Variants in KIF5A observed in about 807,000 individuals in gnomAD.
KIF5A encodes the protein kinesin heavy chain isoform 5A.
A neutral mutation model predicts 141.3 loss-of-function variants in KIF5A; 35 were observed. The ratio of observed to expected loss-of-function variants is 0.25; its 90% CI spans 0.19 to 0.33. The LOEUF (loss-of-function observed/expected upper bound fraction) is 0.33, where lower values mean the gene tolerates loss of function less well. Ranked by LOEUF, KIF5A falls within the 10% of genes least tolerant of loss-of-function variation. KIF5A has a pLI of 1.00. For missense variants in KIF5A, 861 were observed against 1,314.3 expected, an observed-to-expected ratio of 0.66 and a Z score of 5.33; for synonymous variants, 448 against 500.2, an observed-to-expected ratio of 0.90 and a Z score of 1.39.
Position 57,563,445 on chromosome 12 carries a change from C to G in KIF5A, c.136C>G (p.Pro46Ala), listed in dbSNP as rs1881971668. Residue 46 changes from proline (P) to alanine (A), a missense_variant, in exon 2 of 29, where the codon CCA becomes GCA. Physicochemically the swap from Pro to Ala is conservative, Grantham distance 27 (BLOSUM62 -1). Transcript: ENST00000455537. ...TCTTTTATTTTCATTCCAGGGGAAGCCATATGTTTTTGACCGTGTATTCCC... is the reference window on the plus strand; with the variant it reads ...TCTTTTATTTTCATTCCAGGGGAAGGCATATGTTTTTGACCGTGTATTCCC... ...GDDSVVIGGK[P>A]YVFDRVFPPN... The G allele has an allele frequency of 6.2e-7, 1 of 1,610,414 alleles. No homozygotes were observed. The highest frequency in any genetic ancestry group is 2.2e-5 in the East Asian group (1 of 44,870).
rs1174159670 is a variant in KIF5A at position 57,563,711 on chromosome 12, G to T, written c.291+18G>T. ...CCATGGAGGTGAGGGTTCTGGCTTTGGTGGTTGAGGGGCTAGGAGTGTTAA... is the reference window on the plus strand; with the variant it reads ...CCATGGAGGTGAGGGTTCTGGCTTTTGTGGTTGAGGGGCTAGGAGTGTTAA... On this transcript the variant is annotated intron_variant, in intron 3 of 28. Coordinates refer to ENST00000455537, the MANE Select transcript of KIF5A (RefSeq NM_004984.4). 5.6e-6 allele frequency: 9 copies of T among 1,603,778 alleles called. No individual in the cohort carries two copies. Among genetic ancestry groups the T allele is most frequent in the East Asian group, 2.2e-5 (1 of 44,830 alleles).
At chr12:57,575,354 C>T in intron 16 of KIF5A, 82 bp downstream of exon 16, 2 of 1,396,636 alleles carry the variant, frequency 1.4e-6, no homozygotes, top group Middle Eastern at 2.4e-4. Context: ...CTCCTAACAC[C>T]CACCTTTATG....
chr12:57,564,903 A>G lies in KIF5A; in HGVS notation c.446-15A>G. On this transcript the variant is annotated splice_polypyrimidine_tract_variant and intron_variant, in intron 5 of 28. Coordinates refer to ENST00000455537, the MANE Select transcript of KIF5A (RefSeq NM_004984.4). ...GAAGTACTAGTCTTGCTTACCCTGCATTCTTTTGATTCAGTGACCAAGACA... is the reference window on the plus strand; with the variant it reads ...GAAGTACTAGTCTTGCTTACCCTGCGTTCTTTTGATTCAGTGACCAAGACA... 2.5e-6 allele frequency: 4 copies of G among 1,613,946 alleles called. No individual in the cohort carries two copies. In the South Asian group the frequency reaches 3.3e-5, roughly 13 times the overall value.
rs1343723233 is a variant in KIF5A at position 57,564,927 on chromosome 12, C to A, written c.455C>A (p.Thr152Lys). The A allele has an allele frequency of 6.2e-7, 1 of 1,614,186 alleles. No individual in the cohort carries two copies. Among genetic ancestry groups the A allele is most frequent in the Non-Finnish European group, 8.5e-7 (1 of 1,180,024 alleles). Reference sequence around the variant, plus strand: ...CATTCTTTTGATTCAGTGACCAAGACAAATCTGTCCGTGCACGAGGACAAG... The same window carrying A: ...CATTCTTTTGATTCAGTGACCAAGAAAAATCTGTCCGTGCACGAGGACAAG... ...KIRDLLDVTK[T>K]NLSVHEDKNR... The change falls in exon 6 of 29, where the codon ACA becomes AAA. Residue 152 changes from threonine to lysine, a missense_variant. Coordinates refer to ENST00000455537, the MANE Select transcript of KIF5A (RefSeq NM_004984.4).
chr12:57,574,948 A>T, intron 15 of KIF5A, 136 bp from the exon 16 acceptor site: 1 of 763,102 alleles, frequency 1.3e-6, no homozygotes. Flanking sequence ...GAGAGCTGCT[A>T]AAGGTCGTTT....
rs1483342869 is a variant in KIF5A at position 57,563,437 on chromosome 12, A to C, written c.130-2A>C. On this transcript the variant is annotated splice_acceptor_variant, in intron 1 of 28. Coordinates refer to ENST00000455537, the MANE Select transcript of KIF5A (RefSeq NM_004984.4). LOFTEE classifies it high-confidence loss of function. ...GTCTGATATCTTTTATTTTCATTCC[A>C]GGGGAAGCCATATGTTTTTGACCGT... 6.2e-7 allele frequency: 1 copy of C among 1,608,184 alleles called. No homozygotes were observed.
At chr12:57,583,367 G>A (rs1882665753) in intron 28 of KIF5A, among the ~76,000 whole-genome samples, 152 bp downstream of exon 28, 2 of 152,054 alleles carry the variant, frequency 1.3e-5, no homozygotes, top group African/African-American at 4.8e-5. Context: ...TCCCCTGTTG[G>A]GGGCTACACC....
rs563381676 is a variant in KIF5A at position 57,579,191 on chromosome 12, T to C, written c.2538+849T>C. Among the ~76,000 whole-genome samples, 8 of 152,204 alleles carry C rather than the reference T, an allele frequency of 5.3e-5. No homozygotes were observed. The East Asian group carries it at 1.4e-3, about 26-fold the overall frequency. Reference sequence around the variant, plus strand: ...TTGCTGTTGCGGTTCTTTAGGTGGATGACTGGGTTTCAAAGGTATGGGCTG... The same window carrying C: ...TTGCTGTTGCGGTTCTTTAGGTGGACGACTGGGTTTCAAAGGTATGGGCTG... On this transcript the variant is annotated intron_variant, in intron 23 of 28. Coordinates refer to ENST00000455537, the MANE Select transcript of KIF5A (RefSeq NM_004984.4).
At chr12:57,576,008 C>G in intron 17 of KIF5A, 79 bp from the exon 18 acceptor site, 1 of 1,390,112 alleles carries the variant, frequency 7.2e-7, no homozygotes, top group Non-Finnish European at 1.0e-6. Context: ...CCAGCCCTGC[C>G]TGGAGTTCTG....
rs372790531 is a variant in KIF5A at position 57,571,406 on chromosome 12, C to A, written c.1362+17C>A. 2.5e-6 allele frequency: 4 copies of A among 1,612,882 alleles called. No homozygotes were observed. Among genetic ancestry groups the A allele is most frequent in the African/African-American group, 2.7e-5 (2 of 74,848 alleles). Reference sequence around the variant, plus strand: ...CAGGAAGAGGTAATAGGAGGGAGGGCAGGACATGAGAGGAAAGGGGTTCTG... The same window carrying A: ...CAGGAAGAGGTAATAGGAGGGAGGGAAGGACATGAGAGGAAAGGGGTTCTG... On this transcript the variant is annotated intron_variant, in intron 13 of 28. Transcript: ENST00000455537.
chr12:57,583,434 T>C (rs1882668534), intron 28 of KIF5A, among the ~76,000 whole-genome samples: 1 of 152,190 alleles, frequency 6.6e-6, no homozygotes, highest in African/African-American at 2.4e-5. Context: ...TGCTTTCCGT[T>C]AGGCTACAGT....
intron 20 of KIF5A, 45 bp from the exon 21 acceptor site, chr12:57,577,668 G>C (rs1219406310): frequency 7.1e-7 from 1 of 1,415,374 alleles, no homozygotes; most frequent in East Asian, 2.3e-5. Flanking sequence ...GGAGGAAGGA[G>C]AGTCCTGAGG....
rs755457098 is a variant in KIF5A, at chr12:57,569,363, T to C, written c.927T>C (p.Tyr309=). The C allele has an allele frequency of 6.2e-6, 10 of 1,614,058 alleles. No individual in the cohort carries two copies. The highest frequency in any genetic ancestry group is 4.5e-5 in the East Asian group (2 of 44,872). The change falls in exon 10 of 29, where the codon TAT becomes TAC. Residue 309 remains tyrosine, a synonymous_variant. Coordinates refer to ENST00000455537, the MANE Select transcript of KIF5A (RefSeq NM_004984.4). ...TMFICCSPSS[Y]NDAETKSTLM... The stretch of plus-strand genomic sequence containing the variant: ...TCATCTGTTGCTCACCATCCAGTTA[T>C]AATGATGCAGAGACCAAGTCCACCC...
At position 57,581,105 on chromosome 12, in the gene KIF5A, G is replaced by T; in HGVS notation, c.2688G>T (p.Glu896Asp). 1 of 1,614,182 alleles carries T rather than the reference G, an allele frequency of 6.2e-7. No individual in the cohort carries two copies. Among genetic ancestry groups the T allele is most frequent in the Middle Eastern group, 1.6e-4 (1 of 6,062 alleles). ...AMKDKRRYQQ[E>D]VDRIKEAVRY... The stretch of plus-strand genomic sequence containing the variant: ...AGGACAAGCGCCGGTACCAGCAGGA[G>T]GTGGACCGCATCAAGGAGGCCGTTC... Residue 896 changes from glutamate (E) to aspartate (D), a missense_variant, in exon 24 of 29, where the codon GAG (glutamate) becomes GAT (aspartate). Physicochemically the swap from Glu to Asp is conservative, Grantham distance 45. Around this residue, in one of 5 missense-constraint regions of KIF5A, gnomAD observed 482 missense variants for 661.3 expected, o/e 0.73. Transcript: ENST00000455537.
intron 23 of KIF5A, among the ~76,000 whole-genome samples, chr12:57,578,839 G>T (rs985977921): frequency 6.6e-6 from 1 of 151,536 alleles, no homozygotes; most frequent in African/African-American, 2.4e-5. Flanking sequence ...CGAGGCGGGC[G>T]GATCACTTGA....
At chr12:57,563,734 T>A in intron 3 of KIF5A, 41 bp downstream of exon 3, 1 of 1,549,754 alleles carries the variant, frequency 6.5e-7, no homozygotes, top group Non-Finnish European at 8.9e-7. Context: ...CTAGGAGTGT[T>A]AATGGAAGAT....
rs146444080 is a variant in KIF5A, at chr12:57,569,342, C to T, written c.906C>T (p.Ile302=). 1.2e-6 allele frequency: 2 copies of T among 1,614,088 alleles called. No individual in the cohort carries two copies. The highest frequency in any genetic ancestry group is 1.3e-5 in the African/African-American group (1 of 75,050). Residue 302 remains isoleucine (I), a synonymous_variant, in exon 10 of 29, where the codon ATC becomes ATT. Coordinates refer to ENST00000455537, the MANE Select transcript of KIF5A (RefSeq NM_004984.4). The part of the protein sequence containing the change: ...LGGNCRTTMF[I]CCSPSSYNDA... ...GAAACTGCCGGACGACTATGTTCAT[C>T]TGTTGCTCACCATCCAGTTATAATG...
intron 1 of KIF5A, among the ~76,000 whole-genome samples, chr12:57,562,590 C>T (rs191699723): frequency 2.0e-5 from 3 of 152,324 alleles, no homozygotes; most frequent in Admixed American, 2.0e-4. Context: ...ATATTCCTTT[C>T]ACAAAGAGAG....
intron 1 of KIF5A, among the ~76,000 whole-genome samples, chr12:57,556,776 A>C (rs1004975855): frequency 6.6e-6 from 1 of 152,006 alleles, no homozygotes; most frequent in Admixed American, 6.6e-5. Flanking sequence ...TGAAGCATGG[A>C]TAGAGATTGT....
Sources: allele counts gnomAD v4.1 joint callset (sites outside exome capture counted in the v4.1 genomes callset), GRCh38; gene constraint gnomAD v4.1.1; regional missense constraint gnomAD v4.1.1; transcripts MANE v1.5; gene names NCBI Gene and HGNC (gene_info 2026-07-23, HGNC 2026-07-21).